ZNF106: variants seen among roughly 807,000 people sequenced by gnomAD.
The protein encoded by ZNF106 is SH3-domain binding protein 3.
In ZNF106, 67 loss-of-function variants were observed where a neutral mutation model predicts 195.1. The ratio of observed to expected loss-of-function variants is 0.34; its 90% CI spans 0.28 to 0.42. ZNF106 has a LOEUF of 0.42. ZNF106 is among the 10% of genes least tolerant of loss of function. The probability of loss-of-function intolerance (pLI) is 1.00; values close to 1 mark genes in which losing one functional copy is unlikely to be tolerated. For missense variants in ZNF106, 2,118 were observed against 2,304.5 expected (o/e 0.92, Z 1.66); for synonymous variants, 784 against 818.6 (o/e 0.96, Z 0.72).
At position 42,448,258 on chromosome 15, in the gene ZNF106, C is replaced by A. The variant is rs1409418598; in HGVS notation, c.2949G>T (p.Arg983Ser). The change falls in exon 6 of 22, where the codon AGG becomes AGT. Residue 983 changes from arginine to serine, a missense_variant. Physicochemically the swap from Arg to Ser is moderately radical, Grantham distance 110 (BLOSUM62 -1). Coordinates refer to ENST00000564754, the MANE Select transcript of ZNF106 (RefSeq NM_001366845.3). ...TCTGATTCTCTGACGGTGGTATAGA[C>A]CTCTCCTGGCTGTTCAAGTCTTTTG... ...HLAKDLNSQE[R>S]SIPPSENQNS... 1 of 1,614,168 alleles carries A rather than the reference C, an allele frequency of 6.2e-7. No individual in the cohort carries two copies. Among genetic ancestry groups the A allele is most frequent in the East Asian group, 2.2e-5 (1 of 44,886 alleles).
chr15:42,474,908 CCTT>C (rs1313571522), intron 1 of ZNF106, among the ~76,000 whole-genome samples: 1 of 152,204 alleles, frequency 6.6e-6, no homozygotes. Context: ...CAGCATTGTT[CCTT>C]CTTCTACAGA....
At chr15:42,459,887 A>T (rs1045926139) in intron 3 of ZNF106, among the ~76,000 whole-genome samples, 2 of 151,808 alleles carry the variant, frequency 1.3e-5, no homozygotes, top group Non-Finnish European at 2.9e-5. Flanking sequence ...AAAAAAAAAT[A>T]CAAAAATTAG....
rs1048130767 is a variant in ZNF106 at position 42,433,279 on chromosome 15, G to A, written c.4881+2105C>T. ...TGCCACCACGCCTGGCTAATTTTTC[G>A]TATTTTTAGTAGAGACGGGGTTTCA... On this transcript the variant is annotated intron_variant, in intron 14 of 21. Coordinates refer to ENST00000564754, the MANE Select transcript of ZNF106 (RefSeq NM_001366845.3). Among the ~76,000 whole-genome samples, 57 of 150,888 alleles carry A rather than the reference G, an allele frequency of 3.8e-4. 1 individual carries two copies. The highest frequency in any genetic ancestry group is 2.5e-3 in the Admixed American group (38 of 15,100).
At chr15:42,425,510 T>G (rs2054820876) in intron 15 of ZNF106, 1 of 153,754 alleles carries the variant, frequency 6.5e-6, no homozygotes, top group Non-Finnish European at 1.4e-5. Flanking sequence ...ATTCTCCACT[T>G]TTTTTTTTTG....
intron 20 of ZNF106, among the ~76,000 whole-genome samples, chr15:42,418,157 T>G (rs749220889): frequency 3.3e-5 from 5 of 152,146 alleles, no homozygotes; most frequent in Non-Finnish European, 5.9e-5. Flanking sequence ...GGAAAAATCT[T>G]TTGATATTTT....
Position 42,442,246 on chromosome 15 carries a change from G to C in ZNF106, c.3590C>G (p.Ala1197Gly). Residue 1197 changes from alanine to glycine, a missense_variant, in exon 10 of 22, where the codon GCC becomes GGC. Coordinates refer to ENST00000564754, the MANE Select transcript of ZNF106 (RefSeq NM_001366845.3). ...SSHVSPSPTGASLQITTSPTF... is the reference protein window; with the variant it reads ...SSHVSPSPTGGSLQITTSPTF... ...AGGAGACGTGGTTATTTGAAGAGAG[G>C]CTCCGGTGGGTGATGGAGACACATG... The C allele has an allele frequency of 6.2e-7, 1 of 1,614,166 alleles. No individual in the cohort carries two copies. The highest frequency in any genetic ancestry group is 8.5e-7 in the Non-Finnish European group (1 of 1,180,032).
At chr15:42,438,451 T>C (rs998521161) in intron 12 of ZNF106, among the ~76,000 whole-genome samples, 161 bp downstream of exon 12, 5 of 152,184 alleles carry the variant, frequency 3.3e-5, no homozygotes, top group African/African-American at 1.2e-4. Flanking sequence ...TTTGAGGTTT[T>C]AAGAATATCA....
In ZNF106 at chr15:42,449,753, C is replaced by G; in HGVS notation, c.2501+18G>C. 6.3e-7 allele frequency: 1 copy of G among 1,583,794 alleles called. No homozygotes were observed. The highest frequency in any genetic ancestry group is 8.6e-7 in the Non-Finnish European group (1 of 1,165,058). On this transcript the variant is annotated intron_variant, in intron 5 of 21. Coordinates refer to ENST00000564754, the MANE Select transcript of ZNF106 (RefSeq NM_001366845.3). ...AAAGAAAGTGAGGAAAAAAAAGACA[C>G]CGAAAAGCAGCACACACCTGGGTAA...
In ZNF106 at chr15:42,424,014, T is replaced by G; in HGVS notation, c.5237A>C (p.His1746Pro). ...VFSGSSDQSV[H>P]AHNIHTGELV... ...ACAGCTTACGTGAATGTTGTGAGCA[T>G]GGACTGACTGATCACTGGAGCCACT... Residue 1746 changes from histidine (H) to proline (P), a missense_variant, in exon 17 of 22, where the codon CAT becomes CCT. By Grantham distance (77) the His-to-Pro change is moderately conservative (BLOSUM62 -2). Transcript: ENST00000564754. 1.2e-6 allele frequency: 2 copies of G among 1,612,724 alleles called. No individual in the cohort carries two copies. Among genetic ancestry groups the G allele is most frequent in the Non-Finnish European group, 1.7e-6 (2 of 1,179,722 alleles).
chr15:42,436,637 C>T (rs1301394624), intron 13 of ZNF106, among the ~76,000 whole-genome samples: 7 of 152,166 alleles, frequency 4.6e-5, no homozygotes, highest in Non-Finnish European at 1.0e-4. Flanking sequence ...AAATTCAAAA[C>T]TCAAAAGTTC....
intron 14 of ZNF106, among the ~76,000 whole-genome samples, chr15:42,429,256 C>T (rs1414887348): frequency 2.6e-5 from 4 of 151,110 alleles, no homozygotes; most frequent in Admixed American, 1.3e-4. Flanking sequence ...CTGGCTAACA[C>T]GGTGAAACCC....
At chr15:42,428,955 C>T (rs572705581) in intron 14 of ZNF106, among the ~76,000 whole-genome samples, 8 of 151,356 alleles carry the variant, frequency 5.3e-5, no homozygotes, top group Admixed American at 2.6e-4. Flanking sequence ...TTAGTAGAGA[C>T]GGGGTTTCAT....
At chr15:42,456,763 A>C (rs1356812775) in intron 4 of ZNF106, among the ~76,000 whole-genome samples, 195 bp downstream of exon 4, 1 of 152,216 alleles carries the variant, frequency 6.6e-6, no homozygotes, top group African/African-American at 2.4e-5. Context: ...AACAATACTA[A>C]GTTTGCTTTT....
chr15:42,479,146 G>A (rs1173753035), intron 1 of ZNF106, among the ~76,000 whole-genome samples: 1 of 152,082 alleles, frequency 6.6e-6, no homozygotes, highest in Non-Finnish European at 1.5e-5. Context: ...GGCCGAGGTG[G>A]GTGGATCACC....
intron 1 of ZNF106, among the ~76,000 whole-genome samples, chr15:42,479,571 A>G (rs111961726): frequency 0.067 from 10,146 of 151,944 alleles, 1,126 homozygotes; most frequent in African/African-American, 0.23. Flanking sequence ...GCCAGGCACA[A>G]TGGCTCAGGC....
chr15:42,463,517 T>C (rs1039767684), intron 3 of ZNF106, among the ~76,000 whole-genome samples: 2 of 151,310 alleles, frequency 1.3e-5, no homozygotes, highest in African/African-American at 4.9e-5. Flanking sequence ...AGCAACAGAG[T>C]GGAACCCTGT....
chr15:42,451,341 G>C lies in ZNF106; in HGVS notation c.931C>G (p.Leu311Val), dbSNP rs764551936. 2.5e-6 allele frequency: 4 copies of C among 1,613,718 alleles called. No homozygotes were observed. In the African/African-American group the frequency reaches 5.3e-5, roughly 22 times the overall value. ...YNWQRQENDK[L>V]GTVATYRGPS... Reference sequence around the variant, plus strand: ...CCTCTATATGTGGCAACTGTACCAAGTTTGTCATTTTCTTGCCGCTGCCAA... The same window carrying C: ...CCTCTATATGTGGCAACTGTACCAACTTTGTCATTTTCTTGCCGCTGCCAA... The change falls in exon 5 of 22, where the codon CTT becomes GTT. Residue 311 changes from leucine (L) to valine (V), a missense_variant. Leu to Val is a conservative substitution (Grantham distance 32, BLOSUM62 1). Transcript: ENST00000564754.
intron 4 of ZNF106, among the ~76,000 whole-genome samples, chr15:42,452,677 T>C (rs982078423): frequency 6.8e-6 from 1 of 147,748 alleles, no homozygotes; most frequent in Non-Finnish European, 1.5e-5. Context: ...ATAGCTATAG[T>C]TATCTTTTTT....
intron 14 of ZNF106, among the ~76,000 whole-genome samples, chr15:42,432,131 A>C (rs1212868490): frequency 6.6e-6 from 1 of 152,112 alleles, no homozygotes; most frequent in Non-Finnish European, 1.5e-5. Context: ...ATTATGGGAT[A>C]TCCTCCTTTC....
Sources: allele counts gnomAD v4.1 joint callset (sites outside exome capture counted in the v4.1 genomes callset), GRCh38; gene constraint gnomAD v4.1.1; transcripts MANE v1.5; gene names NCBI Gene and HGNC (gene_info 2026-07-23, HGNC 2026-07-21).